CHST8: variants seen among roughly 807,000 people sequenced by gnomAD.
CHST8 encodes the protein carbohydrate sulfotransferase 8.
Under a neutral mutation model 15.0 loss-of-function variants are expected in CHST8, and 10 were observed. That is an observed-to-expected ratio of 0.67 (90% CI 0.41 to 1.13). The LOEUF (loss-of-function observed/expected upper bound fraction) is 1.13. Ranked by LOEUF, CHST8 falls within the 50% of genes most tolerant of loss-of-function variation. The probability of loss-of-function intolerance (pLI) is 0.00; values close to 1 mark genes in which losing one functional copy is unlikely to be tolerated. For missense variants in CHST8, 634 were observed against 608.2 expected (o/e 1.04, Z -0.45); for synonymous variants, 259 against 256.6 (o/e 1.01, Z -0.09).
chr19:33,675,995 T>G (rs1470507301), intron 2 of CHST8, among the ~76,000 whole-genome samples: 1 of 152,170 alleles, frequency 6.6e-6, no homozygotes, highest in Middle Eastern at 3.2e-3. Flanking sequence ...TTAAGCCTCA[T>G]GTCCATTCTG....
chr19:33,716,991 C>A (rs147367545), intron 3 of CHST8, among the ~76,000 whole-genome samples: 3 of 152,080 alleles, frequency 2.0e-5, no homozygotes, highest in African/African-American at 7.2e-5. Context: ...TAAGGATACC[C>A]GTTCTAGGGA....
chr19:33,703,974 C>T (rs1228261643), intron 3 of CHST8, among the ~76,000 whole-genome samples: 6 of 152,198 alleles, frequency 3.9e-5, no homozygotes, highest in Admixed American at 3.9e-4. Context: ...GGTGGAGGAG[C>T]TCCTGGGGGC....
intron 3 of CHST8, among the ~76,000 whole-genome samples, chr19:33,766,324 C>G (rs964456162): frequency 9.2e-5 from 14 of 152,102 alleles, no homozygotes; most frequent in African/African-American, 3.1e-4. Flanking sequence ...TGCCACCCCC[C>G]CATTCAGAAC....
Position 33,692,385 on chromosome 19 carries a change from C to T in CHST8, c.130+2994C>T, listed in dbSNP as rs547321392. 3.3e-5 allele frequency among the ~76,000 whole-genome samples: 5 copies of T among 152,214 alleles called. No homozygotes were observed. In the East Asian group the frequency reaches 5.8e-4, roughly 18 times the overall value. On this transcript the variant is annotated intron_variant, in intron 3 of 4. Transcript: ENST00000650847. ...TTCTCCAAGAGAAAGACTTGGAGAC[C>T]AGGCCAGAACCAGGAATAACAAACA...
chr19:33,678,162 G>T (rs1261348173), intron 2 of CHST8, among the ~76,000 whole-genome samples: 1 of 152,170 alleles, frequency 6.6e-6, no homozygotes, highest in East Asian at 1.9e-4. Context: ...GGCACCAAGG[G>T]GTCACTGGGG....
At chr19:33,734,252 C>T (rs1025673855) in intron 3 of CHST8, among the ~76,000 whole-genome samples, 7 of 152,102 alleles carry the variant, frequency 4.6e-5, no homozygotes, top group African/African-American at 1.2e-4. Context: ...GCCATGGCAA[C>T]GTCAAGAAGT....
intron 2 of CHST8, among the ~76,000 whole-genome samples, chr19:33,668,111 T>A (rs80352651): frequency 0.016 from 2,383 of 152,252 alleles, 38 homozygotes; most frequent in African/African-American, 0.035. Context: ...TTTTCGATTG[T>A]CTCTGCTGGA....
At chr19:33,673,025 C>T (rs1367883374) in intron 2 of CHST8, among the ~76,000 whole-genome samples, 1 of 152,122 alleles carries the variant, frequency 6.6e-6, no homozygotes, top group Non-Finnish European at 1.5e-5. Flanking sequence ...GAGACACTTC[C>T]TGGGTTTGCA....
Position 33,642,419 on chromosome 19 carries a change from G to A in CHST8, c.-164+20123G>A, listed in dbSNP as rs567325463. ...TCTCTGTCGCCCAGGCTGGAGCGCA[G>A]TGGCACGATCTCGGCTCTTTGCAAC... On this transcript the variant is annotated intron_variant, in intron 1 of 4. Transcript: ENST00000650847. Among the ~76,000 whole-genome samples the A allele has an allele frequency of 3.3e-5, 5 of 152,172 alleles. No homozygotes were observed. The South Asian group carries it at 6.2e-4, about 19-fold the overall frequency.
At chr19:33,694,216 AT>A (rs1973163276) in intron 3 of CHST8, among the ~76,000 whole-genome samples, 2 of 79,500 alleles carry the variant, frequency 2.5e-5, no homozygotes, top group African/African-American at 5.8e-5. Flanking sequence ...ATATATATAT[AT>A]ATAATGTTAC....
At chr19:33,743,791 T>G (rs981815443) in intron 3 of CHST8, among the ~76,000 whole-genome samples, 7 of 113,640 alleles carry the variant, frequency 6.2e-5, no homozygotes, top group African/African-American at 2.7e-4. Context: ...CTTTTTTCTT[T>G]TTTTCTTTTT....
chr19:33,683,428 C>G (rs1223714396), intron 2 of CHST8, among the ~76,000 whole-genome samples: 4 of 152,120 alleles, frequency 2.6e-5, no homozygotes, highest in Non-Finnish European at 5.9e-5. Context: ...GTCCTGGTGG[C>G]GAGCGGGCCT....
intron 3 of CHST8, among the ~76,000 whole-genome samples, chr19:33,735,813 C>T (rs1309656253): frequency 6.6e-6 from 1 of 152,190 alleles, no homozygotes; most frequent in Non-Finnish European, 1.5e-5. Flanking sequence ...AGCGAGACTC[C>T]GTCTCAAAGA....
chr19:33,762,526 A>T (rs557464096), intron 3 of CHST8, among the ~76,000 whole-genome samples: 1 of 152,254 alleles, frequency 6.6e-6, no homozygotes, highest in African/African-American at 2.4e-5. Context: ...TCAGGCGCTC[A>T]TCGGCCAGAG....
intron 3 of CHST8, among the ~76,000 whole-genome samples, chr19:33,765,511 CTTTG>C (rs1188682154): frequency 1.1e-5 from 1 of 94,724 alleles, no homozygotes; most frequent in Non-Finnish European, 2.1e-5. Flanking sequence ...AAATGCCAGT[CTTTG>C]TGTGTGTGTG....
intron 3 of CHST8, among the ~76,000 whole-genome samples, chr19:33,763,108 TCA>T (rs1974769673): frequency 6.6e-6 from 1 of 152,128 alleles, no homozygotes; most frequent in Non-Finnish European, 1.5e-5. Flanking sequence ...TCTGCCCGCC[TCA>T]GTCTCCCAAA....
chr19:33,711,262 C>T (rs1973543195), intron 3 of CHST8, among the ~76,000 whole-genome samples: 1 of 152,182 alleles, frequency 6.6e-6, no homozygotes, highest in Non-Finnish European at 1.5e-5. Context: ...TCAGCTCTTT[C>T]AGAAGCCCTA....
intron 3 of CHST8, among the ~76,000 whole-genome samples, chr19:33,701,793 C>T (rs971650745): frequency 2.0e-5 from 3 of 152,190 alleles, no homozygotes; most frequent in Non-Finnish European, 2.9e-5. Flanking sequence ...TATTTTCCCT[C>T]GCCCTCCTCG....
chr19:33,726,555 T>A (rs1036804710), intron 3 of CHST8, among the ~76,000 whole-genome samples: 1 of 151,822 alleles, frequency 6.6e-6, no homozygotes, highest in Admixed American at 6.6e-5. Flanking sequence ...ATAATAATAA[T>A]AAAAGTGTGA....
Sources: allele counts gnomAD v4.1 joint callset (sites outside exome capture counted in the v4.1 genomes callset), GRCh38; gene constraint gnomAD v4.1.1; transcripts MANE v1.5; gene names NCBI Gene and HGNC (gene_info 2026-07-23, HGNC 2026-07-21).